The following FAM135B variants were observed in gnomAD, a reference collection of about 807,000 sequenced individuals.
FAM135B encodes protein FAM135B.
Under a neutral mutation model 127.7 loss-of-function variants are expected in FAM135B, and 43 were observed. The ratio of observed to expected loss-of-function variants is 0.34; its 90% CI spans 0.26 to 0.43. FAM135B has a LOEUF of 0.43. Among genes scored for constraint, FAM135B ranks in the 20% least tolerant of loss-of-function variants. FAM135B has a pLI of 1.00. For missense variants in FAM135B, 1,558 were observed against 1,725.6 expected (o/e 0.90, Z 1.72); for synonymous variants, 670 against 665.1 (o/e 1.01, Z -0.11).
At chr8:138,369,631 A>C (rs1369357948) in intron 1 of FAM135B, among the ~76,000 whole-genome samples, 7 of 152,202 alleles carry the variant, frequency 4.6e-5, no homozygotes, top group Admixed American at 2.0e-4. Context: ...CCCAATGAAG[A>C]GCCATGGAGG....
At chr8:138,260,632 C>T (rs1822470789) in intron 4 of FAM135B, among the ~76,000 whole-genome samples, 1 of 152,166 alleles carries the variant, frequency 6.6e-6, no homozygotes, top group Admixed American at 6.5e-5. Flanking sequence ...CCTGCCAATG[C>T]TCAACCTGAA....
At chr8:138,433,530 T>C (rs962484566) in intron 1 of FAM135B, among the ~76,000 whole-genome samples, 3 of 73,994 alleles carry the variant, frequency 4.1e-5, no homozygotes, top group Non-Finnish European at 6.3e-5. Flanking sequence ...TCTCAATAAA[T>C]AAATAAATAA....
chr8:138,379,266 G>T (rs1479014409), intron 1 of FAM135B, among the ~76,000 whole-genome samples: 1 of 152,050 alleles, frequency 6.6e-6, no homozygotes. Context: ...ACCATTTTAC[G>T]GGTTACCCTA....
chr8:138,147,328 T>C (rs1817738817), intron 14 of FAM135B, among the ~76,000 whole-genome samples: 1 of 151,098 alleles, frequency 6.6e-6, no homozygotes, highest in South Asian at 2.1e-4. Flanking sequence ...AAGTGTTAAG[T>C]AATGGGTAGA....
intron 1 of FAM135B, among the ~76,000 whole-genome samples, chr8:138,488,564 C>A (rs1254742030): frequency 6.6e-6 from 1 of 152,142 alleles, no homozygotes; most frequent in African/African-American, 2.4e-5. Flanking sequence ...GATGATCTGT[C>A]CCAACCAGCA....
intron 14 of FAM135B, 107 bp downstream of exon 14, chr8:138,148,413 G>T: frequency 1.1e-6 from 1 of 885,496 alleles, no homozygotes; most frequent in Non-Finnish European, 1.7e-6. Context: ...TTCCACAGTT[G>T]CTAATTGAAC....
At chr8:138,269,683 T>A (rs1419025287) in intron 3 of FAM135B, among the ~76,000 whole-genome samples, 2 of 152,236 alleles carry the variant, frequency 1.3e-5, no homozygotes, top group African/African-American at 4.8e-5. Context: ...TCTAGACTTG[T>A]CCCCACTTTC....
chr8:138,171,004 G>T (rs1330754262), intron 11 of FAM135B, among the ~76,000 whole-genome samples: 1 of 152,144 alleles, frequency 6.6e-6, no homozygotes, highest in Non-Finnish European at 1.5e-5. Flanking sequence ...AACACCCTCT[G>T]CACTCCATGC....
chr8:138,259,319 T>C (rs1822364517), intron 4 of FAM135B, among the ~76,000 whole-genome samples: 1 of 152,206 alleles, frequency 6.6e-6, no homozygotes, highest in South Asian at 2.1e-4. Flanking sequence ...GAGGGCAGCT[T>C]CTGAAACCCA....
intron 9 of FAM135B, among the ~76,000 whole-genome samples, chr8:138,191,935 C>T (rs1816166462): frequency 6.6e-6 from 1 of 152,198 alleles, no homozygotes. Context: ...ATTCCCTGCA[C>T]CGATGCTGCC....
At chr8:138,194,096 C>A (rs1168006527) in intron 9 of FAM135B, among the ~76,000 whole-genome samples, 1 of 152,190 alleles carries the variant, frequency 6.6e-6, no homozygotes, top group African/African-American at 2.4e-5. Flanking sequence ...AGGCCTTTGA[C>A]TCGTCTCAGT....
chr8:138,145,650 C>T (rs1817588127), intron 15 of FAM135B, among the ~76,000 whole-genome samples: 1 of 152,224 alleles, frequency 6.6e-6, no homozygotes, highest in African/African-American at 2.4e-5. Context: ...GGCAGCAGAA[C>T]TGAGCGCCAA....
At chr8:138,477,988 C>T (rs1013150320) in intron 1 of FAM135B, among the ~76,000 whole-genome samples, 3 of 152,134 alleles carry the variant, frequency 2.0e-5, no homozygotes, top group Admixed American at 6.5e-5. Context: ...TTGACGACTT[C>T]CCACAAGTAG....
At chr8:138,408,207 C>G (rs1422479831) in intron 1 of FAM135B, among the ~76,000 whole-genome samples, 2 of 152,324 alleles carry the variant, frequency 1.3e-5, no homozygotes, top group East Asian at 3.9e-4. Context: ...CTCTAGTTAT[C>G]AAAGGTTTTT....
chr8:138,378,200 G>A (rs1831607333), intron 1 of FAM135B, among the ~76,000 whole-genome samples: 1 of 152,178 alleles, frequency 6.6e-6, no homozygotes, highest in South Asian at 2.1e-4. Flanking sequence ...GACCTGAGCA[G>A]AGAAAGTCAA....
intron 1 of FAM135B, among the ~76,000 whole-genome samples, chr8:138,471,232 T>C (rs1482452245): frequency 6.6e-6 from 1 of 152,070 alleles, no homozygotes; most frequent in Admixed American, 6.5e-5. Context: ...TGTATGCTTC[T>C]TAGTCTTTAT....
rs746092198 is a variant in FAM135B, at chr8:138,167,899, C to A, written c.1254G>T (p.Ala418=). ...TCCAAAACAAAACAGACAAACCTGT[C>A]GCAGGGCAGTCCACGTATCTGTCCT... ...IFEDRYVDCP[A]TGHNLSVYPN... is the part of the protein sequence containing the mutation. The change falls in exon 12 of 20, where the codon GCG becomes GCT. Residue 418 remains alanine, a synonymous_variant. Transcript: ENST00000395297. 2 of 1,609,348 alleles carry A rather than the reference C, an allele frequency of 1.2e-6. No homozygotes were observed. Among genetic ancestry groups the A allele is most frequent in the South Asian group, 1.1e-5 (1 of 90,290 alleles).
intron 12 of FAM135B, among the ~76,000 whole-genome samples, chr8:138,158,272 CT>C (rs1563705799): frequency 2.0e-5 from 3 of 152,144 alleles, no homozygotes; most frequent in Non-Finnish European, 4.4e-5. Context: ...AAATGGATCC[CT>C]TCCTTACACC....
At chr8:138,239,896 A>G (rs1820600408) in intron 7 of FAM135B, among the ~76,000 whole-genome samples, 1 of 151,838 alleles carries the variant, frequency 6.6e-6, no homozygotes, top group Non-Finnish European at 1.5e-5. Context: ...AACTATTGCA[A>G]GGACAAAAAA....
Sources: allele counts gnomAD v4.1 joint callset (sites outside exome capture counted in the v4.1 genomes callset), GRCh38; gene constraint gnomAD v4.1.1; transcripts MANE v1.5; gene names NCBI Gene and HGNC (gene_info 2026-07-23, HGNC 2026-07-21).